Variants in NEBL observed in about 807,000 individuals in gnomAD.
The protein encoded by NEBL is LIM and SH3 protein 2.
A neutral mutation model predicts 140.2 loss-of-function variants in NEBL; 122 were observed. That is an observed-to-expected ratio of 0.87 (90% CI 0.75 to 1.01). The LOEUF (loss-of-function observed/expected upper bound fraction) is 1.01, where lower values mean the gene tolerates loss of function less well. Ranked by LOEUF, NEBL falls within the 50% of genes least tolerant of loss-of-function variation. NEBL has a pLI of 0.00. For synonymous variants in NEBL, 436 were observed against 398.9 expected (o/e 1.09, Z -1.11); for missense variants, 1,365 against 1,231.3 (o/e 1.11, Z -1.62).
At chr10:20,931,381 G>A (rs1340631496) in intron 4 of NEBL, among the ~76,000 whole-genome samples, 1 of 152,240 alleles carries the variant, frequency 6.6e-6, no homozygotes, top group East Asian at 1.9e-4. Context: ...AGTTTTACCA[G>A]TATATAAATA....
At chr10:21,097,968 G>A (rs945244674) in intron 2 of NEBL, among the ~76,000 whole-genome samples, 4 of 152,166 alleles carry the variant, frequency 2.6e-5, no homozygotes, top group Admixed American at 6.5e-5. Context: ...GACCCTACGT[G>A]AAATGAACAT....
intron 2 of NEBL, among the ~76,000 whole-genome samples, chr10:21,120,538 C>G (rs906278018): frequency 6.7e-6 from 1 of 149,480 alleles, no homozygotes; most frequent in East Asian, 2.0e-4. Flanking sequence ...CAATCTTTCA[C>G]TCACTGATTT....
At chr10:20,785,969 CAG>C in intron 27 of NEBL, 46 bp from the exon 28 acceptor site, 5 of 1,577,572 alleles carry the variant, frequency 3.2e-6, no homozygotes, top group Middle Eastern at 1.7e-4. Flanking sequence ...GAAATAGCTA[CAG>C]CCACAAATTC....
upstream of NEBL, among the ~76,000 whole-genome samples, chr10:21,178,048 A>G (rs1026905490): frequency 6.6e-6 from 1 of 152,236 alleles, no homozygotes; most frequent in Non-Finnish European, 1.5e-5. Flanking sequence ...GGCAAAAGGA[A>G]AGGAAAAAGG....
At chr10:21,007,208 T>G (rs1431686393) in intron 3 of NEBL, among the ~76,000 whole-genome samples, 1 of 152,074 alleles carries the variant, frequency 6.6e-6, no homozygotes, top group Non-Finnish European at 1.5e-5. Flanking sequence ...CCATTCACCC[T>G]CTCTCCCCAC....
intron 4 of NEBL, among the ~76,000 whole-genome samples, chr10:20,905,445 G>C (rs576277308): frequency 1.3e-5 from 2 of 152,284 alleles, no homozygotes; most frequent in East Asian, 1.9e-4. Flanking sequence ...AGGCAAGAGA[G>C]AGCCAGCAAG....
rs552182029 is a variant in NEBL at position 21,286,113 on chromosome 10, T to A, written n.182+6717A>T. ...GACCTTGGCTCTTTCTCAGCCTATCTGTGACTGGATGAATGAATGGATTTT... is the reference window on the plus strand; with the variant it reads ...GACCTTGGCTCTTTCTCAGCCTATCAGTGACTGGATGAATGAATGGATTTT... On this transcript the variant is annotated intron_variant and non_coding_transcript_variant, in intron 1 of 8. Transcript: ENST00000675702. 4.6e-5 allele frequency among the ~76,000 whole-genome samples: 7 copies of A among 152,360 alleles called. No individual in the cohort carries two copies. The East Asian group carries it at 1.3e-3, about 29-fold the overall frequency.
rs942068362 is a variant in NEBL at position 20,826,370 on chromosome 10, G to A, written c.1869+77C>T. The A allele has an allele frequency of 9.0e-6, 10 of 1,105,038 alleles. No individual in the cohort carries two copies. In the African/African-American group the frequency reaches 1.4e-4, roughly 15 times the overall value. The allele number at this position is 1,105,038 out of a possible 1,614,324, so 68.5% of individuals were successfully genotyped here. On this transcript the variant is annotated intron_variant, in intron 18 of 27. Transcript: ENST00000377122. ...AATAAAAGGAAAAAAGCCATCAGTT[G>A]AGTAAAGAACTAAAAACATTTGTCT...
chr10:21,237,258 G>A (rs1842367390), intron 3 of NEBL, among the ~76,000 whole-genome samples: 2 of 152,342 alleles, frequency 1.3e-5, no homozygotes, highest in Admixed American at 6.5e-5. Context: ...AGGCTGGAGT[G>A]CAGTAGCGCA....
chr10:21,174,901 G>T (rs753546696), upstream of NEBL: 1 of 152,230 alleles, frequency 6.6e-6, no homozygotes, highest in Non-Finnish European at 1.5e-5. Flanking sequence ...ATTAATAAAT[G>T]AATATGGCTC....
At chr10:21,232,978 C>T (rs916451294) in intron 3 of NEBL, among the ~76,000 whole-genome samples, 1 of 152,070 alleles carries the variant, frequency 6.6e-6, no homozygotes, top group Non-Finnish European at 1.5e-5. Context: ...AAGACAGAAC[C>T]AAAAATACTT....
chr10:21,258,941 T>A (rs569553605), intron 1 of NEBL, among the ~76,000 whole-genome samples: 12 of 152,284 alleles, frequency 7.9e-5, no homozygotes, highest in Admixed American at 7.2e-4. Flanking sequence ...TTAGGTCATT[T>A]AATCCTCACA....
chr10:21,290,135 C>G (rs1843123035), intron 1 of NEBL, among the ~76,000 whole-genome samples: 1 of 152,146 alleles, frequency 6.6e-6, no homozygotes, highest in Non-Finnish European at 1.5e-5. Flanking sequence ...GCTGTGTGGT[C>G]CTCAGTGACA....
At chr10:21,020,283 C>T in intron 2 of NEBL, 1 of 1,203,414 alleles carries the variant, frequency 8.3e-7, no homozygotes, top group Non-Finnish European at 1.2e-6. Context: ...TTTGCACATC[C>T]CCCCTTTTCC....
At chr10:21,228,539 TGGG>T (rs1842203711) in intron 3 of NEBL, among the ~76,000 whole-genome samples, 1 of 152,146 alleles carries the variant, frequency 6.6e-6, no homozygotes, top group Non-Finnish European at 1.5e-5. Flanking sequence ...ATCATCCACA[TGGG>T]TTGCTCTCTA....
At chr10:21,020,282 C>T (rs144925755) in intron 2 of NEBL, 20,071 of 1,197,676 alleles carry the variant, frequency 0.017, 249 homozygotes, top group Non-Finnish European at 0.019. Flanking sequence ...TTTTGCACAT[C>T]CCCCCTTTTC....
intron 4 of NEBL, among the ~76,000 whole-genome samples, chr10:20,936,694 G>C (rs145276859): frequency 9.9e-4 from 150 of 152,274 alleles, no homozygotes; most frequent in African/African-American, 3.5e-3. Flanking sequence ...AAATAATGCA[G>C]TGTTTTCTGT....
At chr10:21,172,401 T>G in exon 2 of NEBL, 1 of 1,613,764 alleles carries the variant, frequency 6.2e-7, no homozygotes, top group Non-Finnish European at 8.5e-7. Flanking sequence ...ATAGGGCTTC[T>G]TTTCATAGCC....
intron 2 of NEBL, among the ~76,000 whole-genome samples, chr10:21,089,669 T>A (rs1977449): frequency 0.082 from 12,513 of 152,010 alleles, 902 homozygotes; most frequent in East Asian, 0.24. Context: ...CTCTCAATGA[T>A]TGATAGGTGA....
Sources: allele counts gnomAD v4.1 joint callset (sites outside exome capture counted in the v4.1 genomes callset), GRCh38; gene constraint gnomAD v4.1.1; transcripts MANE v1.5; gene names NCBI Gene and HGNC (gene_info 2026-07-23, HGNC 2026-07-21).